The following AKAP9 variants were observed in gnomAD, a reference collection of about 807,000 sequenced individuals.
The protein encoded by AKAP9 is A-kinase anchoring protein 9, also known as A-kinase anchor protein 9.
AKAP9 carries 311 observed loss-of-function variants against 488.5 expected under a neutral mutation model. The observed-to-expected ratio is 0.64, with a 90% CI of 0.58 to 0.70. The LOEUF is 0.70. AKAP9 is among the 30% of genes least tolerant of loss of function. The pLI, the probability that AKAP9 is intolerant of heterozygous loss-of-function variation, is 0.00. For missense variants in AKAP9, 4,215 were observed against 4,374.5 expected (o/e 0.96, Z 1.03); for synonymous variants, 1,462 against 1,483.5 (o/e 0.99, Z 0.33).
intron 1 of AKAP9, among the ~76,000 whole-genome samples, chr7:91,947,635 C>T (rs1000416511): frequency 3.3e-5 from 5 of 152,124 alleles, no homozygotes; most frequent in African/African-American, 4.8e-5. Flanking sequence ...CAACCGCGCC[C>T]GGCCGCAAAC....
intron 22 of AKAP9, among the ~76,000 whole-genome samples, chr7:92,056,262 A>T (rs1808775570): frequency 6.6e-6 from 1 of 151,882 alleles, no homozygotes; most frequent in Non-Finnish European, 1.5e-5. Flanking sequence ...TTACTTACAG[A>T]TTTTGTTTTT....
chr7:91,962,962 C>A (rs1793905349), intron 1 of AKAP9, among the ~76,000 whole-genome samples: 1 of 152,050 alleles, frequency 6.6e-6, no homozygotes, highest in Non-Finnish European at 1.5e-5. Flanking sequence ...TCACCTTTGC[C>A]CTGATATATT....
At position 92,085,399 on chromosome 7, in the gene AKAP9, A is replaced by G. The variant is rs1814353885; in HGVS notation, c.8833-96A>G. On this transcript the variant is annotated intron_variant, in intron 35 of 49. Coordinates refer to ENST00000356239, the MANE Select transcript of AKAP9 (RefSeq NM_005751.5). ...GTTGGGCTGGAGTTTTCTCTCTGCA[A>G]GCTATCTTGCTTAAAATTTATTTCT... is the stretch of plus-strand genomic sequence containing the variant. The G allele has an allele frequency of 5.7e-6, 7 of 1,226,756 alleles. 2 individuals carry two copies. The South Asian group carries it at 8.8e-5, about 15-fold the overall frequency. The allele number at this position is 1,226,756 out of a possible 1,614,324, so 76.0% of individuals were successfully genotyped here.
intron 20 of AKAP9, 140 bp downstream of exon 20, chr7:92,042,911 C>CATGT: frequency 1.6e-6 from 1 of 617,176 alleles, no homozygotes; most frequent in African/African-American, 1.8e-5. Flanking sequence ...GAAACATGTC[C>CATGT]ATGTATGTGT....
chr7:92,084,867 G>A lies in AKAP9; in HGVS notation c.8759G>A (p.Gly2920Glu), dbSNP rs756359299. The A allele has an allele frequency of 6.2e-7, 1 of 1,613,458 alleles. No individual in the cohort carries two copies. The highest frequency in any genetic ancestry group is 1.7e-5 in the Admixed American group (1 of 59,982). ...GQGIYLTHSQ[G>E]FDIASEGRGE... ...GGAATTTATCTTACACACAGTCAGG[G>A]ATTTGACATAGCATCAGAAGGCCGA... The change falls in exon 35 of 50, where the codon GGA becomes GAA. Residue 2920 changes from glycine (G) to glutamate (E), a missense_variant. Physicochemically the swap from Gly to Glu is moderately conservative, Grantham distance 98 (BLOSUM62 -2). Around this residue, in one of 5 missense-constraint regions of AKAP9, gnomAD observed 1,476 missense variants for 1,477.4 expected, o/e 1.00. Coordinates refer to ENST00000356239, the MANE Select transcript of AKAP9 (RefSeq NM_005751.5).
In AKAP9 at chr7:92,044,998, A is replaced by G. The variant is rs1470671077; in HGVS notation, c.5163-10A>G. On this transcript the variant is annotated splice_polypyrimidine_tract_variant and intron_variant, in intron 20 of 49. Transcript: ENST00000356239. ...TAAACATTTTAATCAGTGCTTCTTT[A>G]TCTATACAGGTATGCACTCCAGAAA... 11 of 1,594,028 alleles carry G rather than the reference A, an allele frequency of 6.9e-6. No homozygotes were observed. The African/African-American group carries it at 1.2e-4, about 18-fold the overall frequency.
intron 40 of AKAP9, among the ~76,000 whole-genome samples, chr7:92,095,623 GGCAGGCTGCTT>G (rs1242834193): frequency 6.6e-6 from 1 of 152,154 alleles, no homozygotes; most frequent in Non-Finnish European, 1.5e-5. Flanking sequence ...CTCAGCTCAA[GGCAGGCTGCTT>G]TGAGTATCTG....
In AKAP9 at chr7:92,097,143, A is replaced by G. The variant is rs1816748163; in HGVS notation, c.10184A>G (p.Gln3395Arg). 2 of 1,614,246 alleles carry G rather than the reference A, an allele frequency of 1.2e-6. No homozygotes were observed. The highest frequency in any genetic ancestry group is 1.7e-6 in the Non-Finnish European group (2 of 1,180,042). The change falls in exon 41 of 50, where the codon CAG (glutamine) becomes CGG (arginine). Residue 3395 changes from glutamine (Q) to arginine (R), a missense_variant. This residue lies in a region of AKAP9 where 1,476 missense variants were observed against 1,477.4 expected (regional missense o/e 1.00). Coordinates refer to ENST00000356239, the MANE Select transcript of AKAP9 (RefSeq NM_005751.5). ...CACAGGAAAACACTGCAGACAGAAC[A>G]GGAGGCCAACACTGAGGGACAGAAA... is the stretch of plus-strand genomic sequence containing the variant. Reference protein sequence around the residue: ...QVHRKTLQTEQEANTEGQKKM... With the variant: ...QVHRKTLQTEREANTEGQKKM...
At chr7:92,102,119 A>G (rs1817600199) in intron 45 of AKAP9, among the ~76,000 whole-genome samples, 1 of 151,756 alleles carries the variant, frequency 6.6e-6, no homozygotes, top group Admixed American at 6.6e-5. Context: ...TCACGCCACT[A>G]AACTCCAGTA....
At chr7:92,025,270 GCT>G (rs774490007) in intron 14 of AKAP9, among the ~76,000 whole-genome samples, 29 of 152,242 alleles carry the variant, frequency 1.9e-4, no homozygotes, top group Admixed American at 3.9e-4. Flanking sequence ...GGAAACATAG[GCT>G]TACATTGTTA....
intron 36 of AKAP9, among the ~76,000 whole-genome samples, 197 bp from the exon 37 acceptor site, chr7:92,086,031 A>T (rs1337720759): frequency 6.6e-6 from 1 of 152,184 alleles, no homozygotes; most frequent in Non-Finnish European, 1.5e-5. Context: ...TGGAGGTTGC[A>T]GTGAGCTGAG....
chr7:92,108,218 A>G (rs1818844440), intron 48 of AKAP9, among the ~76,000 whole-genome samples: 1 of 152,202 alleles, frequency 6.6e-6, no homozygotes. Context: ...AAAGCTTAAC[A>G]GTCTTCATGA....
At chr7:92,041,107 A>G (rs184150648) in intron 18 of AKAP9, 15 of 517,136 alleles carry the variant, frequency 2.9e-5, no homozygotes, top group Non-Finnish European at 4.4e-5. Flanking sequence ...AGGGACACCT[A>G]TCTCAACCTT....
At chr7:92,012,690 G>C (rs938288456) in intron 9 of AKAP9, 48 bp downstream of exon 9, 2 of 1,449,776 alleles carry the variant, frequency 1.4e-6, no homozygotes, top group African/African-American at 2.8e-5. Flanking sequence ...ATAAGTATTG[G>C]ATAGAGCCCA....
Position 91,998,810 on chromosome 7 carries a change from G to T in AKAP9, c.931-2038G>T, listed in dbSNP as rs371254657. 2.6e-5 allele frequency among the ~76,000 whole-genome samples: 4 copies of T among 151,810 alleles called. 1 individual carries two copies. ...TCTAGTATGTAAATATATTACACTC[G>T]TATATATTAATAGTACAGTAAGAAT... On this transcript the variant is annotated intron_variant, in intron 7 of 49. Coordinates refer to ENST00000356239, the MANE Select transcript of AKAP9 (RefSeq NM_005751.5).
intron 1 of AKAP9, among the ~76,000 whole-genome samples, chr7:91,949,098 A>AT (rs995141419): frequency 6.6e-6 from 1 of 151,846 alleles, no homozygotes; most frequent in Non-Finnish European, 1.5e-5. Context: ...TCCCTTGCCC[A>AT]TTTTTTAATT....
chr7:92,098,128 G>C lies in AKAP9; in HGVS notation c.10627G>C (p.Asp3543His), dbSNP rs1433272242. 6.2e-7 allele frequency: 1 copy of C among 1,610,410 alleles called. No homozygotes were observed. The highest frequency in any genetic ancestry group is 1.3e-5 in the African/African-American group (1 of 74,840). Reference protein sequence around the residue: ...ASERLQFETADDEDFIWVQEN... With the variant: ...ASERLQFETAHDEDFIWVQEN... ...TTGAAGACTACAGTTTGAAACAGCA[G>C]ATGATGAAGATTTCATTTGGGTTCA... The change falls in exon 43 of 50, where the codon GAT becomes CAT. Residue 3543 changes from aspartate to histidine, a missense_variant. Asp to His is a moderately conservative substitution (Grantham distance 81). Transcript: ENST00000356239.
chr7:92,099,237 C>T (rs1399364240), intron 43 of AKAP9, among the ~76,000 whole-genome samples: 9 of 152,166 alleles, frequency 5.9e-5, no homozygotes. Flanking sequence ...TCCATTCAGG[C>T]TTTCAGCATT....
At chr7:91,974,760 T>C (rs1482323421) in intron 2 of AKAP9, among the ~76,000 whole-genome samples, 1 of 152,208 alleles carries the variant, frequency 6.6e-6, no homozygotes, top group Non-Finnish European at 1.5e-5. Flanking sequence ...TTTAGGTTTT[T>C]AATTTTTTTA....
Sources: allele counts gnomAD v4.1 joint callset (sites outside exome capture counted in the v4.1 genomes callset), GRCh38; gene constraint gnomAD v4.1.1; regional missense constraint gnomAD v4.1.1; transcripts MANE v1.5; gene names NCBI Gene and HGNC (gene_info 2026-07-23, HGNC 2026-07-21).